The following NUP35 variants were observed in gnomAD, a reference collection of about 807,000 sequenced individuals.
The protein encoded by NUP35 is nucleoporin NUP35.
NUP35 carries 25 observed loss-of-function variants against 41.5 expected under a neutral mutation model. The ratio of observed to expected loss-of-function variants is 0.60; its 90% confidence interval spans 0.44 to 0.84. The LOEUF is 0.84. NUP35 is among the 40% of genes least tolerant of loss of function. The probability of loss-of-function intolerance (pLI) is 0.00; values close to 1 mark genes in which losing one functional copy is unlikely to be tolerated. For synonymous variants in NUP35, 149 were observed against 130.7 expected, an observed-to-expected ratio of 1.14 and a Z score of -0.96; for missense variants, 396 against 396.6, an observed-to-expected ratio of 1.00 and a Z score of 0.01.
chr2:183,159,394 C>T (rs1685785566), intron 7 of NUP35, 94 bp from the exon 8 acceptor site: 1 of 983,074 alleles, frequency 1.0e-6, no homozygotes, highest in Admixed American at 2.8e-5. Context: ...AGTATTTCAT[C>T]TTTATCTTTT....
chr2:183,154,110 A>T (rs1214687845), intron 5 of NUP35, among the ~76,000 whole-genome samples: 1 of 152,172 alleles, frequency 6.6e-6, no homozygotes, highest in African/African-American at 2.4e-5. Context: ...ACAGGGCACC[A>T]AGTCCCTAGG....
chr2:183,133,458 A>C (rs1218986684), intron 3 of NUP35, 108 bp from the exon 4 acceptor site: 4 of 815,218 alleles, frequency 4.9e-6, no homozygotes, highest in Non-Finnish European at 7.7e-6. Flanking sequence ...AATTAGAGGC[A>C]TCTCTAGCAC....
chr2:183,128,345 G>T lies in NUP35; in HGVS notation c.99G>T (p.Gln33His), dbSNP rs762482863. The change falls in exon 2 of 9, where the codon CAG becomes CAT. Residue 33 changes from glutamine to histidine, a missense_variant. Physicochemically the swap from Gln to His is conservative, Grantham distance 24 (BLOSUM62 0). Transcript: ENST00000295119. Reference protein sequence around the residue: ...PTSPKPGVNAQFLPGFLMGDL... With the variant: ...PTSPKPGVNAHFLPGFLMGDL... ...CTCCAAAGCCAGGAGTTAATGCCCA[G>T]TTCTTACCTGGATTTTTAATGGGGG... The T allele has an allele frequency of 6.8e-6, 11 of 1,613,836 alleles. No individual in the cohort carries two copies. Among genetic ancestry groups the T allele is most frequent in the Non-Finnish European group, 9.3e-6 (11 of 1,179,902 alleles).
intron 1 of NUP35, among the ~76,000 whole-genome samples, chr2:183,127,611 A>G (rs955074779): frequency 6.6e-6 from 1 of 152,230 alleles, no homozygotes; most frequent in Non-Finnish European, 1.5e-5. Context: ...ACAATTTAGC[A>G]AGCTTAACCC....
chr2:183,158,143 T>TG (rs1240221488), intron 6 of NUP35, 140 bp from the exon 7 acceptor site: 1 of 557,804 alleles, frequency 1.8e-6, no homozygotes, highest in Non-Finnish European at 2.9e-6. Context: ...CGATTTTTGT[T>TG]GAACTTTACA....
intron 4 of NUP35, among the ~76,000 whole-genome samples, chr2:183,139,211 TC>T (rs67881376): frequency 0.64 from 80,296 of 125,150 alleles, 23,202 homozygotes; most frequent in African/African-American, 0.66. Context: ...TTTCTTTCTT[TC>T]TTTTTTTTTT....
rs36112023 is a variant in NUP35 at position 183,148,402 on chromosome 2, G to T, written c.398-3106G>T. On this transcript the variant is annotated intron_variant, in intron 4 of 8. Transcript: ENST00000295119. ...CTCCATATGGCTTTCTATAGAGGTT[G>T]TACTAATTTACGTTCTCACCAACAG... Among the ~76,000 whole-genome samples, 1,046 of 152,228 alleles carry T rather than the reference G, an allele frequency of 6.9e-3. 26 individuals carry two copies. In the East Asian group the frequency reaches 0.091, roughly 13 times the overall value.
At chr2:183,122,070 T>C (rs1700076336), upstream of NUP35, among the ~76,000 whole-genome samples, 1 of 151,170 alleles carries the variant, frequency 6.6e-6, no homozygotes, top group African/African-American at 2.4e-5. Context: ...CAAATCTTTT[T>C]CTTTTTCTTT....
At chr2:183,125,147 A>G (rs1684403470) in intron 1 of NUP35, among the ~76,000 whole-genome samples, 1 of 151,876 alleles carries the variant, frequency 6.6e-6, no homozygotes, top group South Asian at 2.1e-4. Flanking sequence ...TAAGTATTGT[A>G]GGAGGTATTT....
At chr2:183,151,147 A>G (rs931262800) in intron 4 of NUP35, among the ~76,000 whole-genome samples, 86 of 152,210 alleles carry the variant, frequency 5.7e-4, no homozygotes, top group Non-Finnish European at 2.6e-4. Context: ...ACATTTTTAC[A>G]TGTTCTTAAG....
chr2:183,140,357 C>T (rs547080037), intron 4 of NUP35, among the ~76,000 whole-genome samples: 1 of 152,092 alleles, frequency 6.6e-6, no homozygotes, highest in Admixed American at 6.5e-5. Context: ...TTCCTCTTCC[C>T]CTTTTAAGGA....
chr2:183,132,992 G>T (rs556263529), intron 3 of NUP35, among the ~76,000 whole-genome samples: 1 of 152,088 alleles, frequency 6.6e-6, no homozygotes, highest in Non-Finnish European at 1.5e-5. Context: ...CTCATTTATT[G>T]ATTGGATATT....
chr2:183,133,734 A>G (rs998908023), intron 4 of NUP35, 111 bp downstream of exon 4: 23 of 570,738 alleles, frequency 4.0e-5, no homozygotes, highest in South Asian at 1.9e-4. Context: ...GACACCAAAT[A>G]CTTCTCTATT....
chr2:183,123,856 T>A, upstream of NUP35: 1 of 978,150 alleles, frequency 1.0e-6, no homozygotes, highest in Non-Finnish European at 1.2e-6. Context: ...ATTATTTACA[T>A]GTGTACTTTA....
Position 183,128,772 on chromosome 2 carries a change from A to G in NUP35, c.211+315A>G, listed in dbSNP as rs956456163. On this transcript the variant is annotated intron_variant, in intron 2 of 8. Transcript: ENST00000295119. ...AGTGGTGCAGCATTCACCCTCATCAATACATTAATTAAAAAAAATTAAGCA... is the reference window on the plus strand; with the variant it reads ...AGTGGTGCAGCATTCACCCTCATCAGTACATTAATTAAAAAAAATTAAGCA... Among the ~76,000 whole-genome samples, 3 of 150,684 alleles carry G rather than the reference A, an allele frequency of 2.0e-5. No homozygotes were observed. In the East Asian group the frequency reaches 5.9e-4, roughly 29 times the overall value.
At chr2:183,146,266 C>T (rs556109200) in intron 4 of NUP35, among the ~76,000 whole-genome samples, 1 of 152,202 alleles carries the variant, frequency 6.6e-6, no homozygotes, top group African/African-American at 2.4e-5. Context: ...AATCTTACTT[C>T]TTTAGGGTTG....
chr2:183,146,398 A>G (rs942668045), intron 4 of NUP35, among the ~76,000 whole-genome samples: 6 of 152,200 alleles, frequency 3.9e-5, no homozygotes, highest in Admixed American at 6.5e-5. Flanking sequence ...CCTCACATCT[A>G]TTAAGCTTAT....
intron 4 of NUP35, among the ~76,000 whole-genome samples, chr2:183,134,400 G>A (rs886326138): frequency 5.9e-5 from 9 of 152,100 alleles, no homozygotes; most frequent in Non-Finnish European, 1.0e-4. Flanking sequence ...GCAGCAAAGG[G>A]GGGGAGGGGG....
At chr2:183,126,151 T>C (rs1684470850) in intron 1 of NUP35, among the ~76,000 whole-genome samples, 1 of 152,096 alleles carries the variant, frequency 6.6e-6, no homozygotes, top group South Asian at 2.1e-4. Context: ...TCCTCCCACC[T>C]CAGCCTCCCA....
Sources: gnomAD v4.1 joint callset for allele counts (sites outside exome capture counted in the v4.1 genomes callset) on GRCh38, gnomAD v4.1.1 for gene constraint, MANE v1.5 for transcripts, NCBI Gene and HGNC (gene_info 2026-07-23, HGNC 2026-07-21) for gene names.